Variants in WDR70 observed in about 807,000 individuals in gnomAD.
WDR70 encodes WD repeat domain 70.
Under a neutral mutation model 88.6 loss-of-function variants are expected in WDR70, and 53 were observed. That is an observed-to-expected ratio of 0.60 (90% CI 0.48 to 0.75). The LOEUF is 0.75. Among genes scored for constraint, WDR70 ranks in the 30% least tolerant of loss-of-function variants. The pLI is 0.00. For missense variants in WDR70, 610 were observed against 823.2 expected, an observed-to-expected ratio of 0.74 and a Z score of 3.17; for synonymous variants, 280 against 270.0, an observed-to-expected ratio of 1.04 and a Z score of -0.36.
intron 8 of WDR70, among the ~76,000 whole-genome samples, chr5:37,497,782 T>A (rs940118710): frequency 1.3e-4 from 20 of 152,212 alleles, no homozygotes; most frequent in African/African-American, 4.8e-4. Context: ...TATTTTTCAG[T>A]ACTTTGGTTG....
rs535133857 is a variant in WDR70 at position 37,583,068 on chromosome 5, A to AT, written c.918-21990dup. Among the ~76,000 whole-genome samples, 28 of 152,182 alleles carry AT rather than the reference A, an allele frequency of 1.8e-4. No homozygotes were observed. In the East Asian group the frequency reaches 5.4e-3, roughly 29 times the overall value. On this transcript the variant is annotated intron_variant, in intron 9 of 17. Coordinates refer to ENST00000265107, the MANE Select transcript of WDR70 (RefSeq NM_018034.4). Reference sequence around the variant, plus strand: ...GAACTCTGTGCCTTAGCTGTTGGTGATTTTTTCTCCTACATGCAGTTCTTC... The same window carrying AT: ...GAACTCTGTGCCTTAGCTGTTGGTGATTTTTTTCTCCTACATGCAGTTCTTC...
chr5:37,679,325 C>T (rs1343407363), intron 10 of WDR70, among the ~76,000 whole-genome samples: 1 of 151,592 alleles, frequency 6.6e-6, no homozygotes, highest in South Asian at 2.1e-4. Context: ...TTAGAGTTTC[C>T]AGTTTTTCTG....
In WDR70 at chr5:37,487,918, C is replaced by G. The variant is rs377294501; in HGVS notation, c.840+7931C>G. Among the ~76,000 whole-genome samples, 7 of 152,012 alleles carry G rather than the reference C, an allele frequency of 4.6e-5. 1 individual carries two copies. Among genetic ancestry groups the G allele is most frequent in the Admixed American group, 3.9e-4 (6 of 15,278 alleles). ...GGATTACAGGCATGAGCCACCGCAT[C>G]CAGCCCATAGTTGTTACTCTTTTGC... On this transcript the variant is annotated intron_variant, in intron 8 of 17. Transcript: ENST00000265107.
At chr5:37,471,050 A>C (rs1327723040) in intron 7 of WDR70, among the ~76,000 whole-genome samples, 1 of 151,954 alleles carries the variant, frequency 6.6e-6, no homozygotes, top group Non-Finnish European at 1.5e-5. Flanking sequence ...CGCATGGCTA[A>C]TTTTTGCATT....
At chr5:37,595,995 T>G (rs1055799525) in intron 9 of WDR70, among the ~76,000 whole-genome samples, 2 of 152,186 alleles carry the variant, frequency 1.3e-5, no homozygotes, top group African/African-American at 2.4e-5. Flanking sequence ...TGTCAAATAT[T>G]TATGATATAT....
At position 37,703,083 on chromosome 5, in the gene WDR70, A is replaced by G; in HGVS notation, c.1412A>G (p.Asp471Gly). 2 of 1,608,886 alleles carry G rather than the reference A, an allele frequency of 1.2e-6. No homozygotes were observed. Among genetic ancestry groups the G allele is most frequent in the South Asian group, 2.2e-5 (2 of 90,848 alleles). The change falls in exon 13 of 18, where the codon GAT becomes GGT. Residue 471 changes from aspartate (D) to glycine (G), a missense_variant. Asp to Gly is a moderately conservative substitution (Grantham distance 94). Coordinates refer to ENST00000265107, the MANE Select transcript of WDR70 (RefSeq NM_018034.4). ...FQRVYEIDIT[D>G]ASVVRCLWHP... ...AGGGTGTATGAAATAGACATCACAGATGCGGTACGTATATTCTTTTCTCCT... is the reference window on the plus strand; with the variant it reads ...AGGGTGTATGAAATAGACATCACAGGTGCGGTACGTATATTCTTTTCTCCT...
At chr5:37,593,921 T>A (rs970914613) in intron 9 of WDR70, among the ~76,000 whole-genome samples, 2 of 152,260 alleles carry the variant, frequency 1.3e-5, no homozygotes, top group Non-Finnish European at 2.9e-5. Context: ...CATTTTTTCA[T>A]GTGTCTGATG....
intron 5 of WDR70, among the ~76,000 whole-genome samples, chr5:37,412,948 A>G (rs1011872153): frequency 2.6e-5 from 4 of 152,212 alleles, no homozygotes; most frequent in Non-Finnish European, 5.9e-5. Context: ...TTCATCATCA[A>G]TACCAATATT....
intron 9 of WDR70, among the ~76,000 whole-genome samples, chr5:37,587,024 A>G (rs969804609): frequency 2.0e-5 from 3 of 152,174 alleles, no homozygotes; most frequent in Non-Finnish European, 4.4e-5. Flanking sequence ...CCTCAAAGTA[A>G]TGTTTTCTCC....
intron 8 of WDR70, among the ~76,000 whole-genome samples, chr5:37,495,342 C>T (rs1740182463): frequency 6.6e-6 from 1 of 152,086 alleles, no homozygotes; most frequent in South Asian, 2.1e-4. Flanking sequence ...TACTATCATT[C>T]AGTAACTACA....
intron 9 of WDR70, among the ~76,000 whole-genome samples, chr5:37,574,400 AG>A (rs1162827923): frequency 6.6e-6 from 1 of 152,214 alleles, no homozygotes; most frequent in African/African-American, 2.4e-5. Context: ...GGCTTGCTAC[AG>A]TGATGCACAT....
intron 10 of WDR70, 130 bp from the exon 11 acceptor site, chr5:37,697,525 A>G: frequency 3.1e-6 from 2 of 653,108 alleles, no homozygotes; most frequent in Non-Finnish European, 5.2e-6. Context: ...AATTATAATC[A>G]TGTGAAATTA....
intron 9 of WDR70, among the ~76,000 whole-genome samples, chr5:37,585,541 T>A (rs1259754678): frequency 2.0e-5 from 3 of 152,214 alleles, no homozygotes; most frequent in Non-Finnish European, 4.4e-5. Flanking sequence ...TCACTTCCAA[T>A]TGGTCAGAAA....
intron 9 of WDR70, among the ~76,000 whole-genome samples, chr5:37,530,189 T>G (rs1741437667): frequency 6.6e-6 from 1 of 152,188 alleles, no homozygotes; most frequent in Admixed American, 6.5e-5. Flanking sequence ...GGATTATATT[T>G]TTGATATGCT....
At chr5:37,604,382 T>G (rs4279359) in intron 9 of WDR70, among the ~76,000 whole-genome samples, 1 of 152,352 alleles carries the variant, frequency 6.6e-6, no homozygotes, top group South Asian at 2.1e-4. Context: ...TACCTCATCT[T>G]TGTTTTTCTG....
chr5:37,596,917 A>G (rs894541506), intron 9 of WDR70, among the ~76,000 whole-genome samples: 1 of 152,064 alleles, frequency 6.6e-6, no homozygotes, highest in Non-Finnish European at 1.5e-5. Flanking sequence ...TTTTATCCCT[A>G]TAGTTATGAC....
intron 17 of WDR70, among the ~76,000 whole-genome samples, chr5:37,741,875 G>T (rs552860117): frequency 6.6e-6 from 1 of 152,248 alleles, no homozygotes; most frequent in East Asian, 1.9e-4. Context: ...GTCTTTCTGT[G>T]ACTGGCCAAT....
chr5:37,483,765 G>A (rs1431174565), intron 8 of WDR70, among the ~76,000 whole-genome samples: 4 of 151,242 alleles, frequency 2.6e-5, no homozygotes, highest in Admixed American at 2.6e-4. Flanking sequence ...CGGCTGGCCG[G>A]GCGGGGGCTG....
At chr5:37,383,692 G>A (rs1177763378) in intron 3 of WDR70, among the ~76,000 whole-genome samples, 3 of 152,014 alleles carry the variant, frequency 2.0e-5, no homozygotes, top group Non-Finnish European at 2.9e-5. Context: ...CCATTCTCCC[G>A]CCTCAGGCTC....
Sources: allele counts gnomAD v4.1 joint callset (sites outside exome capture counted in the v4.1 genomes callset), GRCh38; gene constraint gnomAD v4.1.1; transcripts MANE v1.5; gene names NCBI Gene and HGNC (gene_info 2026-07-23, HGNC 2026-07-21).